Variants in ULK4 observed in about 807,000 individuals in gnomAD.
ULK4 encodes the protein unc-51 like kinase 4.
ULK4 carries 133 observed loss-of-function variants against 160.6 expected under a neutral mutation model. That is an observed-to-expected ratio of 0.83 (90% CI 0.72 to 0.96). The LOEUF (loss-of-function observed/expected upper bound fraction) is 0.96, where lower values mean the gene tolerates loss of function less well. Among genes scored for constraint, ULK4 ranks in the 40% least tolerant of loss-of-function variants. ULK4 has a pLI of 0.00. For missense variants in ULK4, 1,580 were observed against 1,499.5 expected, an observed-to-expected ratio of 1.05 and a Z score of -0.89; for synonymous variants, 534 against 539.8, an observed-to-expected ratio of 0.99 and a Z score of 0.15.
At chr3:41,491,519 T>A (rs2084763479) in intron 32 of ULK4, among the ~76,000 whole-genome samples, 1 of 152,034 alleles carries the variant, frequency 6.6e-6, no homozygotes, top group East Asian at 1.9e-4. Context: ...GGTACAAAAA[T>A]ATGGCATTTC....
chr3:41,374,821 C>A (rs1305842099), intron 35 of ULK4, among the ~76,000 whole-genome samples: 1 of 152,120 alleles, frequency 6.6e-6, no homozygotes, highest in Non-Finnish European at 1.5e-5. Context: ...AAAGGGTATT[C>A]AAATAGGAAG....
chr3:41,351,916 G>A (rs1183458918), intron 35 of ULK4, among the ~76,000 whole-genome samples: 1 of 152,132 alleles, frequency 6.6e-6, no homozygotes, highest in Non-Finnish European at 1.5e-5. Context: ...CTTCCACATG[G>A]GTGAAAACTG....
At chr3:41,542,459 T>C (rs967906726) in intron 32 of ULK4, among the ~76,000 whole-genome samples, 1 of 152,106 alleles carries the variant, frequency 6.6e-6, no homozygotes, top group Non-Finnish European at 1.5e-5. Flanking sequence ...TGCATCGATG[T>C]TCATCTTTGG....
chr3:41,680,717 C>T (rs188801547), intron 29 of ULK4, among the ~76,000 whole-genome samples: 2 of 152,282 alleles, frequency 1.3e-5, no homozygotes, highest in African/African-American at 4.8e-5. Flanking sequence ...TTAACTCAGG[C>T]TGTCATTCTT....
chr3:41,943,455 G>C (rs758078115), intron 2 of ULK4, among the ~76,000 whole-genome samples: 9 of 151,942 alleles, frequency 5.9e-5, no homozygotes, highest in Non-Finnish European at 1.0e-4. Flanking sequence ...TCCAATTCTG[G>C]TTAAACTCAA....
chr3:41,585,744 A>G (rs2030747602), intron 31 of ULK4, among the ~76,000 whole-genome samples: 1 of 152,214 alleles, frequency 6.6e-6, no homozygotes, highest in Non-Finnish European at 1.5e-5. Context: ...CTATGAAATG[A>G]GAGAAAATTT....
At chr3:41,389,582 G>A (rs888695993) in intron 35 of ULK4, among the ~76,000 whole-genome samples, 1 of 152,128 alleles carries the variant, frequency 6.6e-6, no homozygotes, top group African/African-American at 2.4e-5. Context: ...TTAGCATGAA[G>A]GGTTGTTGAA....
chr3:41,798,922 G>T (rs1286717042), intron 20 of ULK4, among the ~76,000 whole-genome samples: 3 of 152,154 alleles, frequency 2.0e-5, no homozygotes, highest in Non-Finnish European at 4.4e-5. Context: ...TCTGAAAAGA[G>T]AAGGAACAGC....
At chr3:41,878,389 G>A (rs1249696374) in intron 17 of ULK4, among the ~76,000 whole-genome samples, 1 of 152,174 alleles carries the variant, frequency 6.6e-6, no homozygotes, top group Non-Finnish European at 1.5e-5. Context: ...ATATACACCT[G>A]TAAGTTCTTA....
intron 34 of ULK4, among the ~76,000 whole-genome samples, chr3:41,417,091 A>G (rs1245840688): frequency 1.3e-5 from 2 of 152,170 alleles, no homozygotes; most frequent in African/African-American, 4.8e-5. Context: ...ACCACCTGGA[A>G]GCCCACTCTC....
intron 23 of ULK4, among the ~76,000 whole-genome samples, chr3:41,717,469 A>G (rs549419538): frequency 1.7e-3 from 253 of 152,202 alleles, no homozygotes; most frequent in African/African-American, 5.6e-3. Context: ...TCTTTTGTAT[A>G]TTTTCTAAAA....
chr3:41,706,385 T>A (rs1341039984), intron 25 of ULK4, among the ~76,000 whole-genome samples: 2 of 145,710 alleles, frequency 1.4e-5, no homozygotes, highest in African/African-American at 5.0e-5. Context: ...AATATATATA[T>A]TTATATATAT....
intron 27 of ULK4, among the ~76,000 whole-genome samples, chr3:41,690,431 T>C (rs2036258348): frequency 6.6e-6 from 1 of 150,636 alleles, no homozygotes; most frequent in Non-Finnish European, 1.5e-5. Flanking sequence ...CCCTAAAGTA[T>C]AATAATAATA....
At chr3:41,826,300 A>C (rs2041349050) in intron 18 of ULK4, among the ~76,000 whole-genome samples, 1 of 152,174 alleles carries the variant, frequency 6.6e-6, no homozygotes, top group African/African-American at 2.4e-5. Flanking sequence ...TCAAATTCAC[A>C]CATAACAATA....
intron 17 of ULK4, among the ~76,000 whole-genome samples, chr3:41,875,848 G>A (rs1176516845): frequency 6.6e-6 from 1 of 151,762 alleles, no homozygotes; most frequent in African/African-American, 2.4e-5. Flanking sequence ...GGAGCTCTCT[G>A]GCAGCACTAC....
At chr3:41,919,372 C>T (rs1699092008) in intron 6 of ULK4, among the ~76,000 whole-genome samples, 1 of 152,112 alleles carries the variant, frequency 6.6e-6, no homozygotes, top group African/African-American at 2.4e-5. Context: ...GAGGCCTAAG[C>T]AGGCAGATCA....
chr3:41,836,983 C>T (rs2041778253), intron 17 of ULK4, among the ~76,000 whole-genome samples: 1 of 152,188 alleles, frequency 6.6e-6, no homozygotes, highest in Non-Finnish European at 1.5e-5. Context: ...AAGCACTACT[C>T]TCAATGTGAC....
chr3:41,742,785 A>T (rs1051189913), intron 22 of ULK4, among the ~76,000 whole-genome samples: 30 of 152,028 alleles, frequency 2.0e-4, no homozygotes, highest in Non-Finnish European at 4.3e-4. Flanking sequence ...AAAAAGAACC[A>T]ATGTACAATA....
intron 35 of ULK4, among the ~76,000 whole-genome samples, chr3:41,268,733 A>G (rs545172590): frequency 2.4e-4 from 34 of 139,584 alleles, no homozygotes; most frequent in African/African-American, 7.0e-4. Flanking sequence ...TGAACCCGGG[A>G]GATGGAGGCT....
Sources: gnomAD v4.1 joint callset for allele counts (sites outside exome capture counted in the v4.1 genomes callset) on GRCh38, gnomAD v4.1.1 for gene constraint, MANE v1.5 for transcripts, NCBI Gene and HGNC (gene_info 2026-07-23, HGNC 2026-07-21) for gene names.